Variants in TRIO observed in about 807,000 individuals in gnomAD.
The protein encoded by TRIO is trio Rho guanine nucleotide exchange factor.
In TRIO, 58 loss-of-function variants were observed where a neutral mutation model predicts 351.9. The ratio of observed to expected loss-of-function variants is 0.16; its 90% CI spans 0.13 to 0.21. The LOEUF is 0.21. Ranked by LOEUF, TRIO falls within the 10% of genes least tolerant of loss-of-function variation. The pLI is 1.00. For missense variants in TRIO, 3,201 were observed against 4,027.8 expected (o/e 0.79, Z 5.56); for synonymous variants, 1,758 against 1,595.7 (o/e 1.10, Z -2.42).
chr5:14,188,464 T>C (rs1790257913), intron 1 of TRIO, among the ~76,000 whole-genome samples: 1 of 152,240 alleles, frequency 6.6e-6, no homozygotes, highest in South Asian at 2.1e-4. Context: ...TGTTGTTAAC[T>C]AAATCATATA....
intron 3 of TRIO, among the ~76,000 whole-genome samples, chr5:14,282,491 A>T (rs575619132): frequency 7.3e-4 from 111 of 152,274 alleles, no homozygotes; most frequent in African/African-American, 2.6e-3. Context: ...TTAATAGTAA[A>T]TATTAAAAAT....
intron 1 of TRIO, among the ~76,000 whole-genome samples, chr5:14,185,715 A>G (rs1368282594): frequency 6.6e-6 from 1 of 152,242 alleles, no homozygotes; most frequent in Non-Finnish European, 1.5e-5. Context: ...AGTGACATTC[A>G]GACTTGGCTT....
rs1354857075 is a variant in TRIO at position 14,377,286 on chromosome 5, C to T, written c.3332-726C>T. 2.0e-5 allele frequency among the ~76,000 whole-genome samples: 3 copies of T among 151,512 alleles called. No individual in the cohort carries two copies. The East Asian group carries it at 5.8e-4, about 29-fold the overall frequency. On this transcript the variant is annotated intron_variant, in intron 19 of 56. Coordinates refer to ENST00000344204, the MANE Select transcript of TRIO (RefSeq NM_007118.4). Reference sequence around the variant, plus strand: ...TTTTAGACGGAGTCTTGCCCTGTCGCCTAGGCTGGAGTGCAATGACATGAT... The same window carrying T: ...TTTTAGACGGAGTCTTGCCCTGTCGTCTAGGCTGGAGTGCAATGACATGAT...
intron 1 of TRIO, among the ~76,000 whole-genome samples, chr5:14,258,787 C>T (rs984863349): frequency 6.6e-6 from 1 of 152,152 alleles, no homozygotes; most frequent in South Asian, 2.1e-4. Flanking sequence ...CAGCAGTGGC[C>T]CAGGGGGATA....
chr5:14,230,761 GGTGA>G (rs1303704087), intron 1 of TRIO, among the ~76,000 whole-genome samples: 1 of 151,968 alleles, frequency 6.6e-6, no homozygotes, highest in Non-Finnish European at 1.5e-5. Flanking sequence ...TCAAGATATT[GGTGA>G]GTCTTAATCG....
chr5:14,264,688 G>A (rs966573888), intron 1 of TRIO, among the ~76,000 whole-genome samples: 1 of 152,016 alleles, frequency 6.6e-6, no homozygotes, highest in Admixed American at 6.6e-5. Context: ...TTCTAGATGC[G>A]TGCACAGCTA....
chr5:14,387,838 G>A lies in TRIO; in HGVS notation c.3872G>A (p.Arg1291His). 2 of 1,613,824 alleles carry A rather than the reference G, an allele frequency of 1.2e-6. No homozygotes were observed. The highest frequency in any genetic ancestry group is 1.7e-6 in the Non-Finnish European group (2 of 1,179,896). ...ELNEEKRKSA[R>H]RKEFIMAELI... ...AATGAAGAGAAGCGGAAATCTGCCC[G>A]CAGGAAAGAGTAAGCCAGTCTTTCA... The change falls in exon 23 of 57, where the codon CGC (arginine) becomes CAC (histidine). Residue 1291 changes from arginine to histidine, a missense_variant. By Grantham distance (29) the Arg-to-His change is conservative. This residue lies in a region of TRIO where 201 missense variants were observed against 266.5 expected (regional missense o/e 0.75). Coordinates refer to ENST00000344204, the MANE Select transcript of TRIO (RefSeq NM_007118.4).
At chr5:14,388,485 C>G (rs529774341) in intron 23 of TRIO, 128 bp from the exon 24 acceptor site, 8 of 890,062 alleles carry the variant, frequency 9.0e-6, no homozygotes, top group Non-Finnish European at 1.8e-6. Flanking sequence ...TTGTGATTCA[C>G]CTCTCCAAAA....
intron 45 of TRIO, 170 bp from the exon 46 acceptor site, chr5:14,482,412 T>C (rs1755595803): frequency 2.2e-6 from 1 of 460,208 alleles, no homozygotes; most frequent in South Asian, 8.8e-5. Flanking sequence ...TAGATAATTA[T>C]TCTGTTTAGA....
intron 34 of TRIO, among the ~76,000 whole-genome samples, chr5:14,438,147 C>T (rs566286998): frequency 4.6e-5 from 7 of 152,288 alleles, no homozygotes; most frequent in Admixed American, 2.0e-4. Context: ...TGTTCTCTTC[C>T]GCCAAGTGCC....
intron 21 of TRIO, among the ~76,000 whole-genome samples, chr5:14,385,563 A>G (rs1191508253): frequency 6.6e-6 from 1 of 152,156 alleles, no homozygotes; most frequent in Non-Finnish European, 1.5e-5. Flanking sequence ...ACTTATATAC[A>G]TTTGCGCACT....
intron 4 of TRIO, among the ~76,000 whole-genome samples, chr5:14,290,425 C>A (rs1736806585): frequency 6.6e-6 from 1 of 152,184 alleles, no homozygotes; most frequent in South Asian, 2.1e-4. Context: ...TAATCTCCAT[C>A]TTCTTGGAAA....
At chr5:14,262,753 G>T (rs944925676) in intron 1 of TRIO, among the ~76,000 whole-genome samples, 7 of 152,030 alleles carry the variant, frequency 4.6e-5, no homozygotes, top group Admixed American at 1.3e-4. Flanking sequence ...TGGCCACGAG[G>T]TCGATGGTTT....
At chr5:14,380,660 G>A (rs1486681514) in intron 20 of TRIO, among the ~76,000 whole-genome samples, 2 of 152,080 alleles carry the variant, frequency 1.3e-5, no homozygotes, top group African/African-American at 2.4e-5. Context: ...CGACAGTATG[G>A]CAGTTCCTCA....
At position 14,405,887 on chromosome 5, in the gene TRIO, A is replaced by G. The variant is rs1325412771; in HGVS notation, c.4756A>G (p.Ile1586Val). 3 of 1,613,872 alleles carry G rather than the reference A, an allele frequency of 1.9e-6. No homozygotes were observed. Among genetic ancestry groups the G allele is most frequent in the Non-Finnish European group, 2.5e-6 (3 of 1,180,022 alleles). Residue 1586 changes from isoleucine to valine, a missense_variant, in exon 32 of 57, where the codon ATC (isoleucine) becomes GTC (valine). Around this residue, in one of 19 missense-constraint regions of TRIO, gnomAD observed 136 missense variants for 229.5 expected, o/e 0.59. Transcript: ENST00000344204. ...GAACAAGCAGGACTGGATAAAGCATATCCGCGAAGTCATCCAGGAGCGGAC... is the reference window on the plus strand; with the variant it reads ...GAACAAGCAGGACTGGATAAAGCATGTCCGCGAAGTCATCCAGGAGCGGAC... ...IENKQDWIKH[I>V]REVIQERTIH...
intron 2 of TRIO, among the ~76,000 whole-genome samples, chr5:14,275,124 T>G (rs1735383367): frequency 6.6e-6 from 1 of 152,242 alleles, no homozygotes; most frequent in Non-Finnish European, 1.5e-5. Context: ...GGATTATAGA[T>G]ATTTCATTTT....
intron 7 of TRIO, among the ~76,000 whole-genome samples, chr5:14,303,212 T>A (rs1442076250): frequency 1.8e-5 from 2 of 113,362 alleles, no homozygotes; most frequent in African/African-American, 6.9e-5. Context: ...AGATGGGGGG[T>A]GTCAGTGGAG....
At chr5:14,325,402 G>C (rs115697932) in intron 9 of TRIO, among the ~76,000 whole-genome samples, 1,582 of 152,326 alleles carry the variant, frequency 0.01, 27 homozygotes, top group African/African-American at 0.036. Flanking sequence ...GAAGGCAAAG[G>C]GGAGCCGGAG....
intron 34 of TRIO, among the ~76,000 whole-genome samples, chr5:14,436,473 A>C (rs1046078180): frequency 1.2e-4 from 18 of 152,148 alleles, no homozygotes; most frequent in Admixed American, 9.8e-4. Context: ...ATCTCATGTC[A>C]TCACCTTTCA....
Sources: gnomAD v4.1 joint callset for allele counts (sites outside exome capture counted in the v4.1 genomes callset) on GRCh38, gnomAD v4.1.1 for gene constraint, gnomAD v4.1.1 regional missense constraint, MANE v1.5 for transcripts, NCBI Gene and HGNC (gene_info 2026-07-23, HGNC 2026-07-21) for gene names.